Variants in CCDC27 observed in about 807,000 individuals in gnomAD.
The protein encoded by CCDC27 is coiled-coil domain-containing protein 27.
Under a neutral mutation model 80.3 loss-of-function variants are expected in CCDC27, and 80 were observed. The ratio of observed to expected loss-of-function variants is 1.00; its 90% CI spans 0.83 to 1.20. The LOEUF (loss-of-function observed/expected upper bound fraction) is 1.20. CCDC27 is among the 50% of genes most tolerant of loss of function. The pLI is 0.00. For missense variants in CCDC27, 815 were observed against 809.4 expected (o/e 1.01, Z -0.08); for synonymous variants, 342 against 334.3 (o/e 1.02, Z -0.25).
At chr1:3,755,777 T>TG in intron 3 of CCDC27, 1 of 561,992 alleles carries the variant, frequency 1.8e-6, no homozygotes, top group Non-Finnish European at 3.2e-6. Flanking sequence ...CCCAGGACCG[T>TG]GGCCCCTTGT....
rs752578804 is a variant in CCDC27, at chr1:3,771,514, C to G, written c.1962C>G (p.Thr654=). 1 of 1,613,632 alleles carries G rather than the reference C, an allele frequency of 6.2e-7. No individual in the cohort carries two copies. The highest frequency in any genetic ancestry group is 1.1e-5 in the South Asian group (1 of 91,076). Residue 654 remains threonine (T), a synonymous_variant, in exon 12 of 12, where the codon ACC becomes ACG. Transcript: ENST00000294600. ...TGACCAGCAAATCCAAGAAGGGGACCTCCAAGTAGGCCCAGCCAGGCCCCC... is the reference window on the plus strand; with the variant it reads ...TGACCAGCAAATCCAAGAAGGGGACGTCCAAGTAGGCCCAGCCAGGCCCCC... ...AFLTSKSKKG[T]SK
rs1307718717 is a variant in CCDC27 at position 3,766,651 on chromosome 1, C to G, written c.1530+39C>G. Reference sequence around the variant, plus strand: ...TGTCGTTAAATGATCAGCCAGGCCACTGTTCTTACTGTAAGTCCCAACACA... The same window carrying G: ...TGTCGTTAAATGATCAGCCAGGCCAGTGTTCTTACTGTAAGTCCCAACACA... On this transcript the variant is annotated intron_variant, in intron 9 of 11. Transcript: ENST00000294600. This position sits in a 1 kb window ranked among gnomAD's most constrained non-coding sequence, Gnocchi z 6.1. 6.5e-7 allele frequency: 1 copy of G among 1,537,760 alleles called. No homozygotes were observed. Among genetic ancestry groups the G allele is most frequent in the African/African-American group, 1.4e-5 (1 of 73,126 alleles).
rs1643308790 is a variant in CCDC27, at chr1:3,769,488, T to C, written c.1744-295T>C. Reference sequence around the variant, plus strand: ...TTTGGTTTGTTGGTTTAAAAATATATATATATGTGTGTGTAGGTTTTACTT... The same window carrying C: ...TTTGGTTTGTTGGTTTAAAAATATACATATATGTGTGTGTAGGTTTTACTT... On this transcript the variant is annotated intron_variant, in intron 10 of 11. Transcript: ENST00000294600. This position sits in a 1 kb window ranked among gnomAD's most constrained non-coding sequence, Gnocchi z 4.6. Among the ~76,000 whole-genome samples, 5 of 152,116 alleles carry C rather than the reference T, an allele frequency of 3.3e-5. No individual in the cohort carries two copies. Among genetic ancestry groups the C allele is most frequent in the Admixed American group, 3.3e-4 (5 of 15,282 alleles).
Position 3,769,869 on chromosome 1 carries a change from C to T in CCDC27, c.1830C>T (p.Asp610=). The change falls in exon 11 of 12, where the codon GAC becomes GAT. Residue 610 remains aspartate (D), a synonymous_variant. Coordinates refer to ENST00000294600, the MANE Select transcript of CCDC27 (RefSeq NM_152492.3). This position sits in a 1 kb window ranked among gnomAD's most constrained non-coding sequence, Gnocchi z 4.6. The part of the protein sequence containing the change: ...KSLANEISDN[D]ILEALQRIIS... The stretch of plus-strand genomic sequence containing the variant: ...TGGCCAACGAGATCTCTGACAATGA[C>T]ATCCTGGAAGCCCTGCAGGTATACC... The T allele has an allele frequency of 6.2e-7, 1 of 1,613,804 alleles. No homozygotes were observed. Among genetic ancestry groups the T allele is most frequent in the African/African-American group, 1.3e-5 (1 of 74,998 alleles).
At chr1:3,767,477 C>T (rs1643254616) in intron 10 of CCDC27, 32 bp downstream of exon 10, 2 of 1,573,600 alleles carry the variant, frequency 1.3e-6, no homozygotes, top group Non-Finnish European at 1.7e-6. Flanking sequence ...GAGGGTCTGT[C>T]CCAGCAGCTG....
In CCDC27 at chr1:3,761,107, C is replaced by T. The variant is rs1332527809; in HGVS notation, c.712-174C>T. On this transcript the variant is annotated intron_variant, in intron 4 of 11. Transcript: ENST00000294600. The surrounding 1 kb of genome is among the most constrained non-coding windows in gnomAD (Gnocchi z 5.0). ...GTAAAGAGCTGGCACATCTTGATCT[C>T]CAGATGTGTAGTGCTAGCTCTTTAC... is the stretch of plus-strand genomic sequence containing the variant. Among the ~76,000 whole-genome samples the T allele has an allele frequency of 6.6e-6, 1 of 152,192 alleles. No individual in the cohort carries two copies. Among genetic ancestry groups the T allele is most frequent in the Non-Finnish European group, 1.5e-5 (1 of 68,036 alleles).
chr1:3,753,618 G>A (rs573118966), intron 1 of CCDC27, among the ~76,000 whole-genome samples: 3 of 152,360 alleles, frequency 2.0e-5, no homozygotes, highest in East Asian at 3.9e-4. Context: ...TTACAGGCAT[G>A]AGCCACCATG....
In CCDC27 at chr1:3,763,765, A is replaced by C. The variant is rs1205407606; in HGVS notation, c.1381A>C (p.Asn461His). Residue 461 changes from asparagine (N) to histidine (H), a missense_variant, in exon 8 of 12, where the codon AAT becomes CAT. Asn to His is a moderately conservative substitution (Grantham distance 68, BLOSUM62 1). Coordinates refer to ENST00000294600, the MANE Select transcript of CCDC27 (RefSeq NM_152492.3). The surrounding 1 kb of genome is among the most constrained non-coding windows in gnomAD (Gnocchi z 7.5). Reference protein sequence around the residue: ...DFQETQLRKINTENETLQKEL... With the variant: ...DFQETQLRKIHTENETLQKEL... ...CCAAGAAACCCAGCTGCGAAAGATCAATACGGAAAATGAGACGCTGCAGAA... is the reference window on the plus strand; with the variant it reads ...CCAAGAAACCCAGCTGCGAAAGATCCATACGGAAAATGAGACGCTGCAGAA... 3 of 1,614,026 alleles carry C rather than the reference A, an allele frequency of 1.9e-6. No homozygotes were observed. Among genetic ancestry groups the C allele is most frequent in the African/African-American group, 1.3e-5 (1 of 74,926 alleles).
rs1026159469 is a variant in CCDC27 at position 3,768,240 on chromosome 1, G to A, written c.1743+795G>A. Among the ~76,000 whole-genome samples, 1 of 152,016 alleles carries A rather than the reference G, an allele frequency of 6.6e-6. No individual in the cohort carries two copies. Among genetic ancestry groups the A allele is most frequent in the Non-Finnish European group, 1.5e-5 (1 of 68,010 alleles). On this transcript the variant is annotated intron_variant, in intron 10 of 11. Coordinates refer to ENST00000294600, the MANE Select transcript of CCDC27 (RefSeq NM_152492.3). This position sits in a 1 kb window ranked among gnomAD's most constrained non-coding sequence, Gnocchi z 5.6. ...AGCCTCCTGAGTAGCTGGGACCACA[G>A]GCATGTGCCACCATACCTGGCCAAT...
Position 3,761,437 on chromosome 1 carries a change from C to T in CCDC27, c.861+7C>T. ...CATGTCCCCAGGCAGGAGGGTGAGC[C>T]AGCCCCAGCGGGGCACAGCGCAGAG... On this transcript the variant is annotated splice_region_variant and intron_variant, in intron 5 of 11. Transcript: ENST00000294600. This position sits in a 1 kb window ranked among gnomAD's most constrained non-coding sequence, Gnocchi z 5.0. The T allele has an allele frequency of 1.2e-6, 2 of 1,613,222 alleles. No individual in the cohort carries two copies. The highest frequency in any genetic ancestry group is 1.8e-4 in the Middle Eastern group (1 of 5,622).
chr1:3,766,582 C>T lies in CCDC27; in HGVS notation c.1500C>T (p.Leu500=), dbSNP rs766330200. The change falls in exon 9 of 12, where the codon CTC becomes CTT. Residue 500 remains leucine (L), a synonymous_variant. Coordinates refer to ENST00000294600, the MANE Select transcript of CCDC27 (RefSeq NM_152492.3). This position sits in a 1 kb window ranked among gnomAD's most constrained non-coding sequence, Gnocchi z 6.1. ...AGAAACACCAAGAGATGATGGGGCTCATTGAAAAGGACAACCAGCTCCTCC... is the reference window on the plus strand; with the variant it reads ...AGAAACACCAAGAGATGATGGGGCTTATTGAAAAGGACAACCAGCTCCTCC... ...EDKKHQEMMG[L]IEKDNQLLRQ... 5 of 1,613,858 alleles carry T rather than the reference C, an allele frequency of 3.1e-6. No homozygotes were observed. Among genetic ancestry groups the T allele is most frequent in the Admixed American group, 3.3e-5 (2 of 60,014 alleles).
rs1276390535 is a variant in CCDC27 at position 3,762,685 on chromosome 1, T to C, written c.927T>C (p.His309=). 4 of 1,549,284 alleles carry C rather than the reference T, an allele frequency of 2.6e-6. No homozygotes were observed. The African/African-American group carries it at 5.5e-5, about 21-fold the overall frequency. ...RLSLLKAFSR[H]EEELQHWWQM... ...GCCTCCTGAAGGCCTTCTCCAGACATGAGGAGGAGCTGCAGCACTGGTGGC... is the reference window on the plus strand; with the variant it reads ...GCCTCCTGAAGGCCTTCTCCAGACACGAGGAGGAGCTGCAGCACTGGTGGC... Residue 309 remains histidine (H), a synonymous_variant, in exon 6 of 12, where the codon CAT becomes CAC. Coordinates refer to ENST00000294600, the MANE Select transcript of CCDC27 (RefSeq NM_152492.3).
chr1:3,761,455 G>C lies in CCDC27; in HGVS notation c.861+25G>C. The C allele has an allele frequency of 6.2e-7, 1 of 1,610,942 alleles. No individual in the cohort carries two copies. Among genetic ancestry groups the C allele is most frequent in the Non-Finnish European group, 8.5e-7 (1 of 1,178,988 alleles). ...GGTGAGCCAGCCCCAGCGGGGCACA[G>C]CGCAGAGCTCTAAGACGGTTGTTTT... is the stretch of plus-strand genomic sequence containing the variant. On this transcript the variant is annotated intron_variant, in intron 5 of 11. Coordinates refer to ENST00000294600, the MANE Select transcript of CCDC27 (RefSeq NM_152492.3). This position sits in a 1 kb window ranked among gnomAD's most constrained non-coding sequence, Gnocchi z 5.0.
chr1:3,759,528 T>A (rs1213905464), intron 4 of CCDC27, among the ~76,000 whole-genome samples: 2 of 152,344 alleles, frequency 1.3e-5, no homozygotes, highest in South Asian at 4.1e-4. Flanking sequence ...TTAGATTTTG[T>A]TGATTTTTCT....
In CCDC27 at chr1:3,754,219, G is replaced by T; in HGVS notation, c.420G>T (p.Arg140Ser). Residue 140 changes from arginine to serine, a missense_variant, in exon 2 of 12, where the codon AGG becomes AGT. Coordinates refer to ENST00000294600, the MANE Select transcript of CCDC27 (RefSeq NM_152492.3). ...THPDCPQFSTRATSMSHCGSP... is the reference protein window; with the variant it reads ...THPDCPQFSTSATSMSHCGSP... Reference sequence around the variant, plus strand: ...CTGACTGCCCCCAGTTCAGCACCAGGGCCACATCCATGTCCCACTGTGGTA... The same window carrying T: ...CTGACTGCCCCCAGTTCAGCACCAGTGCCACATCCATGTCCCACTGTGGTA... 6.2e-7 allele frequency: 1 copy of T among 1,611,130 alleles called. No homozygotes were observed. The highest frequency in any genetic ancestry group is 8.5e-7 in the Non-Finnish European group (1 of 1,178,814).
At position 3,761,232 on chromosome 1, in the gene CCDC27, A is replaced by T; in HGVS notation, c.712-49A>T. On this transcript the variant is annotated intron_variant, in intron 4 of 11. Coordinates refer to ENST00000294600, the MANE Select transcript of CCDC27 (RefSeq NM_152492.3). The surrounding 1 kb of genome is among the most constrained non-coding windows in gnomAD (Gnocchi z 5.0). Reference sequence around the variant, plus strand: ...TGGGCTGGAGGCAGGTCAGGGGAAGAGTGTGTGGCTGCATGGCCCACGGGG... The same window carrying T: ...TGGGCTGGAGGCAGGTCAGGGGAAGTGTGTGTGGCTGCATGGCCCACGGGG... 1 of 1,595,004 alleles carries T rather than the reference A, an allele frequency of 6.3e-7. No homozygotes were observed. Among genetic ancestry groups the T allele is most frequent in the African/African-American group, 1.3e-5 (1 of 74,574 alleles).
rs755415416 is a variant in CCDC27, at chr1:3,771,467, CT to C, written c.1916del (p.Leu639ArgfsTer8). On this transcript the variant is annotated frameshift_variant, in exon 12 of 12. Coordinates refer to ENST00000294600, the MANE Select transcript of CCDC27 (RefSeq NM_152492.3). LOFTEE classifies it low-confidence loss of function (END_TRUNC). ...LKQKGVKVPP[L>X]QQSEAFLTSK... ...GCAGAAAGGCGTCAAAGTGCCCCCC[CT>C]GCAACAGTCAGAGGCCTTCCTGACC... is the stretch of plus-strand genomic sequence containing the variant. 1.5e-3 allele frequency: 2,484 copies of C among 1,613,938 alleles called. 2 individuals carry two copies. The highest frequency in any genetic ancestry group is 1.8e-3 in the Non-Finnish European group (2,175 of 1,180,000).
At chr1:3,756,345 G>GAAAA (rs535731871) in intron 3 of CCDC27, 16 of 138,202 alleles carry the variant, frequency 1.2e-4, no homozygotes, top group South Asian at 6.3e-4. Flanking sequence ...ATCTCAAAAA[G>GAAAA]AAAAAAAAAA....
At chr1:3,759,054 CAAA>C (rs58129008) in intron 4 of CCDC27, among the ~76,000 whole-genome samples, 1,892 of 136,552 alleles carry the variant, frequency 0.014, 45 homozygotes, top group African/African-American at 0.046. Flanking sequence ...ACTAAAAATA[CAAA>C]AAAAAAAAAA....
Sources: gnomAD v4.1 joint callset for allele counts (sites outside exome capture counted in the v4.1 genomes callset) on GRCh38, gnomAD v4.1.1 for gene constraint, Gnocchi (gnomAD v3.1) non-coding constraint, MANE v1.5 for transcripts, NCBI Gene and HGNC (gene_info 2026-07-23, HGNC 2026-07-21) for gene names.